The following ADD2 variants were observed in gnomAD, a reference collection of about 807,000 sequenced individuals.
ADD2 encodes beta-adducin.
In ADD2, 23 loss-of-function variants were observed where a neutral mutation model predicts 83.0. The observed-to-expected ratio is 0.28, with a 90% CI of 0.20 to 0.39. The LOEUF (loss-of-function observed/expected upper bound fraction) is 0.39, where lower values mean the gene tolerates loss of function less well. ADD2 is among the 10% of genes least tolerant of loss of function. The pLI, the probability that ADD2 is intolerant of heterozygous loss-of-function variation, is 1.00. For synonymous variants in ADD2, 375 were observed against 375.4 expected (o/e 1.00, Z 0.01); for missense variants, 758 against 944.9 (o/e 0.80, Z 2.59).
At chr2:70,764,013 G>A (rs538032329) in intron 1 of ADD2, among the ~76,000 whole-genome samples, 3 of 151,294 alleles carry the variant, frequency 2.0e-5, no homozygotes, top group Non-Finnish European at 2.9e-5. Flanking sequence ...TCAGCCTCCC[G>A]AGTAGCTGAG....
chr2:70,683,570 G>C (rs781918505), intron 10 of ADD2, 21 bp downstream of exon 10: 1 of 1,599,758 alleles, frequency 6.3e-7, no homozygotes, highest in South Asian at 1.1e-5. Context: ...TGGCCTGGAA[G>C]GGCAATGGCA....
At position 70,704,369 on chromosome 2, in the gene ADD2, C is replaced by T. The variant is rs1671780394; in HGVS notation, c.274G>A (p.Asp92Asn). Residue 92 changes from aspartate to asparagine, a missense_variant, in exon 4 of 16, where the codon GAC (aspartate) becomes AAC (asparagine). Transcript: ENST00000264436. The stretch of plus-strand genomic sequence containing the variant: ...GCGTGGGAGGTGCTGGCCATGAAGT[C>T]CGCGATCTGTCGCAGGGCCCAGATG... ...SNIWALRQIA[D>N]FMASTSHAVF... The T allele has an allele frequency of 1.2e-6, 2 of 1,604,116 alleles. No individual in the cohort carries two copies. Among genetic ancestry groups the T allele is most frequent in the Non-Finnish European group, 1.7e-6 (2 of 1,174,802 alleles).
chr2:70,675,749 C>T, intron 13 of ADD2: 8 of 985,336 alleles, frequency 8.1e-6, no homozygotes, highest in Non-Finnish European at 9.6e-6. Context: ...CCACAGTAGG[C>T]CTAATGTAGG....
chr2:70,722,497 T>G (rs1457940323), intron 1 of ADD2, among the ~76,000 whole-genome samples: 3 of 152,218 alleles, frequency 2.0e-5, no homozygotes, highest in African/African-American at 7.2e-5. Context: ...GATCATCTAC[T>G]GGGTCAGGGA....
intron 15 of ADD2, among the ~76,000 whole-genome samples, chr2:70,665,138 C>T (rs781972446): frequency 1.6e-4 from 25 of 152,122 alleles, no homozygotes; most frequent in African/African-American, 4.3e-4. Context: ...ACAGAGGGAG[C>T]GAGTGAAGGA....
chr2:70,767,612 C>T, intron 1 of ADD2: 1 of 1,277,464 alleles, frequency 7.8e-7, no homozygotes. Context: ...ACCTGTCAGG[C>T]GTTACGCTCC....
In ADD2 at chr2:70,678,711, T is replaced by C. The variant is rs201449367; in HGVS notation, c.1376A>G (p.Lys459Arg). 4.5e-6 allele frequency: 7 copies of C among 1,562,884 alleles called. No individual in the cohort carries two copies. The highest frequency in any genetic ancestry group is 6.1e-6 in the Non-Finnish European group (7 of 1,153,082). The change falls in exon 11 of 16, where the codon AAG becomes AGG. Residue 459 changes from lysine to arginine, a missense_variant. Lys to Arg is a conservative substitution (Grantham distance 26). Coordinates refer to ENST00000264436, the MANE Select transcript of ADD2 (RefSeq NM_001617.4). ...VQRSMGSPRP[K>R]TTWMKADEVE... ...TCCTGGGCTCCCCCTTACCGTGGTCTTGGGTCGGGGGCTGCCCATGCTCCT... is the reference window on the plus strand; with the variant it reads ...TCCTGGGCTCCCCCTTACCGTGGTCCTGGGTCGGGGGCTGCCCATGCTCCT...
chr2:70,713,448 T>C (rs1177744681), intron 1 of ADD2, among the ~76,000 whole-genome samples: 4 of 152,052 alleles, frequency 2.6e-5, no homozygotes, highest in Admixed American at 6.5e-5. Flanking sequence ...CCATCTCTAC[T>C]AAAAATACAA....
chr2:70,692,293 T>C, intron 7 of ADD2, 110 bp downstream of exon 7: 10 of 1,282,088 alleles, frequency 7.8e-6, no homozygotes, highest in Non-Finnish European at 1.0e-5. Context: ...TTCTCTCGCT[T>C]CACCTTGGCC....
chr2:70,676,718 C>T lies in ADD2; in HGVS notation c.1593+78G>A, dbSNP rs1326900631. 2 of 1,596,220 alleles carry T rather than the reference C, an allele frequency of 1.3e-6. No individual in the cohort carries two copies. Among genetic ancestry groups the T allele is most frequent in the Non-Finnish European group, 8.5e-7 (1 of 1,170,444 alleles). On this transcript the variant is annotated intron_variant, in intron 13 of 15. Coordinates refer to ENST00000264436, the MANE Select transcript of ADD2 (RefSeq NM_001617.4). The surrounding 1 kb of genome is among the most constrained non-coding windows in gnomAD (Gnocchi z 4.8). ...AGGTGGGTATGAGGACTCAGGGGTCCTGCAACCCAGCCCCAGGCACAGAAG... is the reference window on the plus strand; with the variant it reads ...AGGTGGGTATGAGGACTCAGGGGTCTTGCAACCCAGCCCCAGGCACAGAAG...
At chr2:70,691,358 G>A (rs1553371629) in intron 7 of ADD2, among the ~76,000 whole-genome samples, 1 of 152,078 alleles carries the variant, frequency 6.6e-6, no homozygotes, top group African/African-American at 2.4e-5. Context: ...CCTCAGCTTT[G>A]GTTTCAGTGC....
intron 1 of ADD2, among the ~76,000 whole-genome samples, chr2:70,743,704 C>A (rs782578558): frequency 9.9e-5 from 15 of 152,104 alleles, no homozygotes; most frequent in Non-Finnish European, 5.9e-5. Context: ...TTAAAGTCAT[C>A]AAGTCTTGTA....
intron 2 of ADD2, among the ~76,000 whole-genome samples, chr2:70,710,395 C>A (rs1672120108): frequency 6.6e-6 from 1 of 152,250 alleles, no homozygotes; most frequent in African/African-American, 2.4e-5. Flanking sequence ...GTACAAAGAA[C>A]CAAGAAGCTC....
chr2:70,714,610 GC>G (rs1672370484), intron 1 of ADD2, among the ~76,000 whole-genome samples: 1 of 152,206 alleles, frequency 6.6e-6, no homozygotes, highest in Non-Finnish European at 1.5e-5. Flanking sequence ...CACATCCAGT[GC>G]CGGCTGAGCT....
chr2:70,732,975 T>C (rs930029939), intron 1 of ADD2, among the ~76,000 whole-genome samples: 1 of 152,224 alleles, frequency 6.6e-6, no homozygotes, highest in Non-Finnish European at 1.5e-5. Flanking sequence ...ATCTGTCTGA[T>C]CTGCCTTCCC....
At chr2:70,746,916 TCA>T (rs140957536) in intron 1 of ADD2, among the ~76,000 whole-genome samples, 10,154 of 152,028 alleles carry the variant, frequency 0.067, 635 homozygotes, top group African/African-American at 0.17. Context: ...TCTACTCTTC[TCA>T]CAGTTTTTGA....
At chr2:70,751,001 T>C (rs1053490370) in intron 1 of ADD2, among the ~76,000 whole-genome samples, 6 of 152,154 alleles carry the variant, frequency 3.9e-5, no homozygotes, top group African/African-American at 1.4e-4. Flanking sequence ...TCAAATAGCA[T>C]CTTGAAAACT....
intron 10 of ADD2, 70 bp from the exon 11 acceptor site, chr2:70,679,031 C>G: frequency 6.7e-7 from 1 of 1,495,844 alleles, no homozygotes; most frequent in Admixed American, 2.2e-5. Flanking sequence ...TACATGCACA[C>G]ACACCTTTCC....
chr2:70,684,190 A>G (rs1195319859), intron 9 of ADD2, among the ~76,000 whole-genome samples: 2 of 152,186 alleles, frequency 1.3e-5, no homozygotes, highest in Admixed American at 6.5e-5. Flanking sequence ...TCTGATTGGT[A>G]GGTATGGGTG....
Sources: allele counts gnomAD v4.1 joint callset (sites outside exome capture counted in the v4.1 genomes callset), GRCh38; gene constraint gnomAD v4.1.1; non-coding constraint Gnocchi (gnomAD v3.1); transcripts MANE v1.5; gene names NCBI Gene and HGNC (gene_info 2026-07-23, HGNC 2026-07-21).